Variants in PPCS observed in about 807,000 individuals in gnomAD.
PPCS encodes the protein phosphopantothenoylcysteine synthetase.
In PPCS, 17 loss-of-function variants were observed where a neutral mutation model predicts 24.6. The observed-to-expected ratio is 0.69, with a 90% CI of 0.47 to 1.04. PPCS has a LOEUF of 1.04. PPCS is among the 50% of genes least tolerant of loss of function. PPCS has a pLI of 0.00. For missense variants in PPCS, 360 were observed against 402.8 expected (o/e 0.89, Z 0.91); for synonymous variants, 190 against 168.3 (o/e 1.13, Z -1.00).
In PPCS at chr1:42,473,019, G is replaced by C. The variant is rs572997303; in HGVS notation, n.378-103G>C. The C allele has an allele frequency of 2.0e-4, 215 of 1,072,750 alleles. 2 individuals carry two copies. The highest frequency in any genetic ancestry group is 7.1e-4 in the Middle Eastern group (2 of 2,820). The allele number at this position is 1,072,750 out of a possible 1,614,324, so 66.5% of individuals were successfully genotyped here. A position where few individuals can be genotyped will look rare whatever the true frequency, so the allele number is the denominator to read the frequency against. ...TCTATTGCTAGTACCCTAAAGACTAGTACTCTAATAAGGAGACTAAGGTGG... is the reference window on the plus strand; with the variant it reads ...TCTATTGCTAGTACCCTAAAGACTACTACTCTAATAAGGAGACTAAGGTGG... On this transcript the variant is annotated intron_variant and non_coding_transcript_variant, in intron 2 of 2. Coordinates refer to the PPCS transcript ENST00000471420.
chr1:42,463,055 C>T (rs147803607), downstream of PPCS, among the ~76,000 whole-genome samples: 324 of 152,350 alleles, frequency 2.1e-3, 2 homozygotes, highest in Middle Eastern at 0.014. Flanking sequence ...AATGTATTCG[C>T]TAAGTCGCAA....
chr1:42,472,011 A>T (rs926333287), intron 2 of PPCS, among the ~76,000 whole-genome samples: 2 of 152,176 alleles, frequency 1.3e-5, no homozygotes, highest in Admixed American at 6.5e-5. Flanking sequence ...AGCAAGTCCT[A>T]TTAATAGTTA....
intron 2 of PPCS, among the ~76,000 whole-genome samples, chr1:42,466,704 A>C (rs1338695161): frequency 2.0e-5 from 3 of 151,604 alleles, no homozygotes; most frequent in Admixed American, 2.0e-4. Context: ...GGCACCCGCC[A>C]CCATGCCCGG....
In PPCS at chr1:42,456,836, C is replaced by G. The variant is rs746009484; in HGVS notation, c.271C>G (p.Pro91Ala). Residue 91 changes from proline to alanine, a missense_variant, in exon 1 of 3, where the codon CCC becomes GCC. By Grantham distance (27) the Pro-to-Ala change is conservative. This residue lies in a region of PPCS where 244 missense variants were observed against 234.7 expected (regional missense o/e 1.04). Transcript: ENST00000372561. ...LFLYRARSAFPYAHRFPPQTW... is the reference protein window; with the variant it reads ...LFLYRARSAFAYAHRFPPQTW... Reference sequence around the variant, plus strand: ...CTTGTATCGCGCTCGCTCTGCCTTCCCCTATGCCCACCGCTTCCCACCCCA... The same window carrying G: ...CTTGTATCGCGCTCGCTCTGCCTTCGCCTATGCCCACCGCTTCCCACCCCA... The G allele has an allele frequency of 3.1e-6, 5 of 1,613,548 alleles. No individual in the cohort carries two copies. Among genetic ancestry groups the G allele is most frequent in the Non-Finnish European group, 4.2e-6 (5 of 1,180,040 alleles).
chr1:42,472,831 T>C (rs370390663), intron 2 of PPCS, among the ~76,000 whole-genome samples: 1 of 152,362 alleles, frequency 6.6e-6, no homozygotes, highest in East Asian at 1.9e-4. Context: ...TCTAGTCATA[T>C]ATACATAGAC....
At chr1:42,461,298 C>T (rs1643404120), downstream of PPCS, among the ~76,000 whole-genome samples, 1 of 152,128 alleles carries the variant, frequency 6.6e-6, no homozygotes, top group Non-Finnish European at 1.5e-5. Flanking sequence ...AAAAATACTG[C>T]AGCAGTCAAG....
downstream of PPCS, chr1:42,464,181 T>G (rs747765562): frequency 6.6e-6 from 1 of 152,176 alleles, no homozygotes; most frequent in South Asian, 2.1e-4. Flanking sequence ...AACCTTTCAG[T>G]CTTGGGTAAA....
Position 42,467,101 on chromosome 1 carries a change from C to T in PPCS, n.378-6021C>T, listed in dbSNP as rs112825013. On this transcript the variant is annotated intron_variant and non_coding_transcript_variant, in intron 2 of 2. Transcript: ENST00000471420. Reference sequence around the variant, plus strand: ...AGCATGATAGGGACCAATAAGTATACTGACATGAATGGCTAATGTCAAGGT... The same window carrying T: ...AGCATGATAGGGACCAATAAGTATATTGACATGAATGGCTAATGTCAAGGT... Among the ~76,000 whole-genome samples the T allele has an allele frequency of 6.0e-3, 919 of 152,220 alleles. 6 individuals carry two copies. Among genetic ancestry groups the T allele is most frequent in the African/African-American group, 0.021 (857 of 41,526 alleles).
At chr1:42,466,556 TG>T (rs1216239246) in intron 2 of PPCS, among the ~76,000 whole-genome samples, 4 of 126,394 alleles carry the variant, frequency 3.2e-5, no homozygotes, top group South Asian at 2.9e-4. Context: ...TGTTTTGTTT[TG>T]TTTTTTTTTT....
chr1:42,457,355 T>C lies in PPCS; in HGVS notation c.612+5T>C. On this transcript the variant is annotated splice_donor_5th_base_variant and intron_variant, in intron 2 of 2. Coordinates refer to ENST00000372561, the MANE Select transcript of PPCS (RefSeq NM_024664.4). ...TCATCTGGGGGCCCACTGCAGGTGA[T>C]GGGCGCTTCTCTTCCAGAGATCTAA... 3 of 1,609,940 alleles carry C rather than the reference T, an allele frequency of 1.9e-6. No homozygotes were observed. The highest frequency in any genetic ancestry group is 1.7e-6 in the Non-Finnish European group (2 of 1,176,202).
At chr1:42,472,750 G>A (rs1643812268) in intron 2 of PPCS, among the ~76,000 whole-genome samples, 1 of 151,882 alleles carries the variant, frequency 6.6e-6, no homozygotes, top group Admixed American at 6.6e-5. Flanking sequence ...GGTATTACCA[G>A]CTGTTTCATT....
chr1:42,458,424 T>G (rs932237631), intron 2 of PPCS, among the ~76,000 whole-genome samples: 1 of 152,192 alleles, frequency 6.6e-6, no homozygotes, highest in Admixed American at 6.5e-5. Flanking sequence ...GAAACTCTTA[T>G]CTGTGGGGCA....
chr1:42,466,561 T>G (rs1396885578), intron 2 of PPCS, among the ~76,000 whole-genome samples: 2 of 151,900 alleles, frequency 1.3e-5, no homozygotes, highest in Non-Finnish European at 1.5e-5. Context: ...TGTTTTGTTT[T>G]TTTTTTTTGA....
At chr1:42,462,730 A>G (rs147213443), downstream of PPCS, among the ~76,000 whole-genome samples, 776 of 152,132 alleles carry the variant, frequency 5.1e-3, 6 homozygotes, top group African/African-American at 0.018. Flanking sequence ...ATAGGTGGGG[A>G]AGATAACGTT....
In PPCS at chr1:42,469,412, A is replaced by G. The variant is rs866646345; in HGVS notation, n.378-3710A>G. On this transcript the variant is annotated intron_variant and non_coding_transcript_variant, in intron 2 of 2. Coordinates refer to the PPCS transcript ENST00000471420. ...GCAGAAGGCAAAATGCAGCAAGTGT[A>G]AGAGTGTGGAAGCCAAGCACAGAAG... Among the ~76,000 whole-genome samples, 2 of 152,170 alleles carry G rather than the reference A, an allele frequency of 1.3e-5. 1 individual carries two copies. Among genetic ancestry groups the G allele is most frequent in the African/African-American group, 4.8e-5 (2 of 41,440 alleles).
downstream of PPCS, among the ~76,000 whole-genome samples, chr1:42,465,878 G>A (rs1259711817): frequency 6.6e-6 from 1 of 152,174 alleles, no homozygotes; most frequent in Non-Finnish European, 1.5e-5. Context: ...GAGAAACTCT[G>A]TCTTAACACA....
rs1000014577 is a variant in PPCS at position 42,460,994 on chromosome 1, G to T, written c.*1068G>T. Among the ~76,000 whole-genome samples, 1 of 152,154 alleles carries T rather than the reference G, an allele frequency of 6.6e-6. No individual in the cohort carries two copies. Among genetic ancestry groups the T allele is most frequent in the Non-Finnish European group, 1.5e-5 (1 of 68,034 alleles). On this transcript the variant is annotated 3_prime_UTR_variant, in exon 3 of 3. Coordinates refer to ENST00000372561, the MANE Select transcript of PPCS (RefSeq NM_024664.4). ...TTCAATACTTCTCTTGCTGTCCTACGTTTTGGGTTTGGAGTGCACAAGTAG... is the reference window on the plus strand; with the variant it reads ...TTCAATACTTCTCTTGCTGTCCTACTTTTTGGGTTTGGAGTGCACAAGTAG...
intron 2 of PPCS, 126 bp from the exon 3 acceptor site, chr1:42,459,477 A>C: frequency 1.2e-6 from 1 of 854,624 alleles, no homozygotes; most frequent in South Asian, 1.8e-5. Flanking sequence ...TTTAAACTAA[A>C]CATTTAACTG....
chr1:42,473,270 G>A, exon 3 of PPCS: 1 of 1,231,540 alleles, frequency 8.1e-7, no homozygotes, highest in Non-Finnish European at 1.0e-6. Flanking sequence ...ATGTAGAAGA[G>A]CTTATAGTGA....
Sources: gnomAD v4.1 joint callset for allele counts (sites outside exome capture counted in the v4.1 genomes callset) on GRCh38, gnomAD v4.1.1 for gene constraint, gnomAD v4.1.1 regional missense constraint, MANE v1.5 for transcripts, NCBI Gene and HGNC (gene_info 2026-07-23, HGNC 2026-07-21) for gene names.